Variants in DUOXA2 observed in about 807,000 individuals in gnomAD.
The protein encoded by DUOXA2 is dual oxidase maturation factor 2.
Under a neutral mutation model 27.6 loss-of-function variants are expected in DUOXA2, and 22 were observed. The ratio of observed to expected loss-of-function variants is 0.80; its 90% CI spans 0.57 to 1.14. The LOEUF is 1.14. Ranked by LOEUF, DUOXA2 falls within the 50% of genes most tolerant of loss-of-function variation. The pLI, the probability that DUOXA2 is intolerant of heterozygous loss-of-function variation, is 0.00. For missense variants in DUOXA2, 481 were observed against 419.9 expected (o/e 1.15, Z -1.27); for synonymous variants, 188 against 184.4 (o/e 1.02, Z -0.16).
chr15:45,114,500 G>A lies in DUOXA2; in HGVS notation c.-106G>A, dbSNP rs183292375. On this transcript the variant is annotated 5_prime_UTR_variant, in exon 1 of 6. Transcript: ENST00000323030. Reference sequence around the variant, plus strand: ...GACTTCACCAGCCCACTCGGTCCCAGCCTTGTACGCAAAGAGACGCCAAGG... The same window carrying A: ...GACTTCACCAGCCCACTCGGTCCCAACCTTGTACGCAAAGAGACGCCAAGG... 30 of 1,515,946 alleles carry A rather than the reference G, an allele frequency of 2.0e-5. No homozygotes were observed. Among genetic ancestry groups the A allele is most frequent in the Middle Eastern group, 4.2e-4 (2 of 4,732 alleles). The allele number at this position is 1,515,946 out of a possible 1,614,324, so 93.9% of individuals were successfully genotyped here.
In DUOXA2 at chr15:45,116,113, T is replaced by C. The variant is rs562360870; in HGVS notation, c.206-11T>C. ...CCTCATCCCACCCCCACCGTGTGCC[T>C]TTCCCTACAGCTGTGCACTTCAGTG... On this transcript the variant is annotated splice_polypyrimidine_tract_variant and intron_variant, in intron 2 of 5. Coordinates refer to ENST00000323030, the MANE Select transcript of DUOXA2 (RefSeq NM_207581.4). 1 of 1,349,642 alleles carries C rather than the reference T, an allele frequency of 7.4e-7. No homozygotes were observed. Among genetic ancestry groups the C allele is most frequent in the Non-Finnish European group, 1.0e-6 (1 of 962,530 alleles). The allele number at this position is 1,349,642 out of a possible 1,614,324, so 83.6% of individuals were successfully genotyped here.
At position 45,117,280 on chromosome 15, in the gene DUOXA2, C is replaced by A; in HGVS notation, c.744C>A (p.Ala248=). 2 of 1,601,762 alleles carry A rather than the reference C, an allele frequency of 1.2e-6. No individual in the cohort carries two copies. Among genetic ancestry groups the A allele is most frequent in the Non-Finnish European group, 1.7e-6 (2 of 1,172,834 alleles). Residue 248 remains alanine, a synonymous_variant, in exon 5 of 6, where the codon GCC becomes GCA. Transcript: ENST00000323030. The part of the protein sequence containing the change: ...GSSALTTQYG[A]AFWVTLATGV... ...CCGCGCTCACCACTCAGTACGGCGCCGCCTTCTGGGTCACGCTGGCAACCG... is the reference window on the plus strand; with the variant it reads ...CCGCGCTCACCACTCAGTACGGCGCAGCCTTCTGGGTCACGCTGGCAACCG...
Position 45,115,810 on chromosome 15 carries a change from G to A in DUOXA2, c.159G>A (p.Trp53Ter), listed in dbSNP as rs539073109. Residue 53 changes from tryptophan (W) to a stop codon, truncating the protein, a stop_gained, in exon 2 of 6, where the codon TGG (tryptophan) becomes TGA (stop). Transcript: ENST00000323030. LOFTEE classifies it high-confidence loss of function. ...PGIRGHSRWF[W>*]LVRVLLSLFI... ...GCCTATTCCTGCAGCGCTGGTTTTG[G>A]TTGGTGAGAGTTCTTCTCAGTCTGT... The A allele has an allele frequency of 6.2e-7, 1 of 1,614,126 alleles. No individual in the cohort carries two copies. The highest frequency in any genetic ancestry group is 1.7e-5 in the Admixed American group (1 of 60,028).
intron 1 of DUOXA2, 26 bp from the exon 2 acceptor site, chr15:45,115,773 C>T: frequency 1.2e-6 from 2 of 1,614,060 alleles, no homozygotes; most frequent in Non-Finnish European, 1.7e-6. Context: ...AGGGCTCAGG[C>T]CTGACCCGGG....
intron 2 of DUOXA2, 48 bp from the exon 3 acceptor site, chr15:45,116,076 C>G: frequency 6.2e-7 from 1 of 1,612,984 alleles, no homozygotes; most frequent in Non-Finnish European, 8.5e-7. Context: ...CTCTCTAATT[C>G]CATTTTCCCA....
Position 45,116,664 on chromosome 15 carries a change from G to A in DUOXA2, c.489G>A (p.Pro163=), listed in dbSNP as rs1253492875. The A allele has an allele frequency of 3.1e-6, 5 of 1,613,792 alleles. No homozygotes were observed. The South Asian group carries it at 4.4e-5, about 14-fold the overall frequency. Residue 163 remains proline (P), a synonymous_variant, in exon 4 of 6, where the codon CCG becomes CCA. Coordinates refer to ENST00000323030, the MANE Select transcript of DUOXA2 (RefSeq NM_207581.4). ...PVLYLAEKFT[P]SSPCGLYHQY... ...TCTACCTGGCGGAGAAGTTCACACC[G>A]AGTAGCCCTTGCGGCCTGTACCACC...
rs761852369 is a variant in DUOXA2 at position 45,117,907 on chromosome 15, T to G, written c.961T>G (p.Ter321GlyextTer71). The change falls in exon 6 of 6, where the codon TGA (stop) becomes GGA (glycine). Residue 321 changes from the stop codon to glycine, a stop_lost. Coordinates refer to ENST00000323030, the MANE Select transcript of DUOXA2 (RefSeq NM_207581.4). ...PDLKCITTNL[*>G] Reference sequence around the variant, plus strand: ...CTTAAAATGTATCACCACTAACCTGTGAGGGGGACCCAATCTGGACTCCTT... The same window carrying G: ...CTTAAAATGTATCACCACTAACCTGGGAGGGGGACCCAATCTGGACTCCTT... 5 of 1,613,284 alleles carry G rather than the reference T, an allele frequency of 3.1e-6. No homozygotes were observed. The highest frequency in any genetic ancestry group is 4.2e-6 in the Non-Finnish European group (5 of 1,180,016).
chr15:45,116,160 T>C lies in DUOXA2; in HGVS notation c.242T>C (p.Val81Ala), dbSNP rs374609439. Reference sequence around the variant, plus strand: ...AGTGCAGAATGGTTCGTGGGTACAGTGAACACCAACACATCCTACAAAGCC... The same window carrying C: ...AGTGCAGAATGGTTCGTGGGTACAGCGAACACCAACACATCCTACAAAGCC... The part of the protein sequence containing the change: ...HFSAEWFVGT[V>A]NTNTSYKAFS... Residue 81 changes from valine (V) to alanine (A), a missense_variant, in exon 3 of 6, where the codon GTG becomes GCG. By Grantham distance (64) the Val-to-Ala change is moderately conservative. Coordinates refer to ENST00000323030, the MANE Select transcript of DUOXA2 (RefSeq NM_207581.4). The C allele has an allele frequency of 3.1e-6, 5 of 1,613,810 alleles. No homozygotes were observed. Among genetic ancestry groups the C allele is most frequent in the Non-Finnish European group, 4.2e-6 (5 of 1,180,008 alleles).
rs751492604 is a variant in DUOXA2 at position 45,117,838 on chromosome 15, C to T, written c.892C>T (p.Leu298Phe). ...DCSQERGGSP[L>F]ILGDPLHKQA... Reference sequence around the variant, plus strand: ...CAGCCAGGAGAGAGGGGGCTCACCTCTTATCCTCGGCGACCCACTGCACAA... The same window carrying T: ...CAGCCAGGAGAGAGGGGGCTCACCTTTTATCCTCGGCGACCCACTGCACAA... Residue 298 changes from leucine to phenylalanine, a missense_variant, in exon 6 of 6, where the codon CTT (leucine) becomes TTT (phenylalanine). Transcript: ENST00000323030. 1.9e-6 allele frequency: 3 copies of T among 1,613,708 alleles called. No individual in the cohort carries two copies. The highest frequency in any genetic ancestry group is 3.3e-5 in the Admixed American group (2 of 60,008).
Position 45,117,256 on chromosome 15 carries a change from C to T in DUOXA2, c.720C>T (p.Ser240=), listed in dbSNP as rs753211033. ...VPLCPLRLGS[S]ALTTQYGAAF... ...TCTGCCCGCTCCGCCTAGGCTCCTC[C>T]GCGCTCACCACTCAGTACGGCGCCG... Residue 240 remains serine (S), a synonymous_variant, in exon 5 of 6, where the codon TCC becomes TCT. Transcript: ENST00000323030. 4 of 1,609,782 alleles carry T rather than the reference C, an allele frequency of 2.5e-6. 1 individual carries two copies. In the South Asian group the frequency reaches 4.4e-5, roughly 18 times the overall value.
chr15:45,117,548 AGGG>A (rs1435065768), intron 5 of DUOXA2, 165 bp from the exon 6 acceptor site: 2 of 1,575,420 alleles, frequency 1.3e-6, no homozygotes, highest in Admixed American at 3.7e-5. Flanking sequence ...AGGTAACACA[AGGG>A]GTAGGCTCCA....
At chr15:45,117,362 G>A in intron 5 of DUOXA2, 57 bp downstream of exon 5, 1 of 1,519,544 alleles carries the variant, frequency 6.6e-7, no homozygotes, top group Non-Finnish European at 8.9e-7. Context: ...ATTCACACCG[G>A]GTGTGCACTT....
At chr15:45,116,017 T>C (rs931801173) in intron 2 of DUOXA2, 107 bp from the exon 3 acceptor site, 26 of 1,598,754 alleles carry the variant, frequency 1.6e-5, no homozygotes, top group Admixed American at 3.3e-5. Flanking sequence ...TGCAACCACA[T>C]TGGACCTCTA....
In DUOXA2 at chr15:45,116,168, A is replaced by G. The variant is rs1475910057; in HGVS notation, c.250A>G (p.Asn84Asp). The G allele has an allele frequency of 2.0e-5, 32 of 1,613,664 alleles. No individual in the cohort carries two copies. Among genetic ancestry groups the G allele is most frequent in the Non-Finnish European group, 2.6e-5 (31 of 1,179,972 alleles). Residue 84 changes from asparagine to aspartate, a missense_variant, in exon 3 of 6, where the codon AAC (asparagine) becomes GAC (aspartate). Asn to Asp is a conservative substitution (Grantham distance 23). Coordinates refer to ENST00000323030, the MANE Select transcript of DUOXA2 (RefSeq NM_207581.4). ...ATGGTTCGTGGGTACAGTGAACACCAACACATCCTACAAAGCCTTCAGCGC... is the reference window on the plus strand; with the variant it reads ...ATGGTTCGTGGGTACAGTGAACACCGACACATCCTACAAAGCCTTCAGCGC... The part of the protein sequence containing the change: ...AEWFVGTVNT[N>D]TSYKAFSAAR...
chr15:45,117,266 A>C lies in DUOXA2; in HGVS notation c.730A>C (p.Thr244Pro), dbSNP rs1366729663. The stretch of plus-strand genomic sequence containing the variant: ...CCGCCTAGGCTCCTCCGCGCTCACC[A>C]CTCAGTACGGCGCCGCCTTCTGGGT... ...PLRLGSSALT[T>P]QYGAAFWVTL... The change falls in exon 5 of 6, where the codon ACT becomes CCT. Residue 244 changes from threonine (T) to proline (P), a missense_variant. Thr to Pro is a conservative substitution (Grantham distance 38). Coordinates refer to ENST00000323030, the MANE Select transcript of DUOXA2 (RefSeq NM_207581.4). The C allele has an allele frequency of 6.2e-7, 1 of 1,607,468 alleles. No individual in the cohort carries two copies. Among genetic ancestry groups the C allele is most frequent in the Non-Finnish European group, 8.5e-7 (1 of 1,177,142 alleles).
intron 4 of DUOXA2, 75 bp from the exon 5 acceptor site, chr15:45,117,016 A>T: frequency 6.6e-7 from 1 of 1,511,256 alleles, no homozygotes. Context: ...GTAGGGATAA[A>T]GAAGAGCGCA....
chr15:45,118,397 G>C lies in DUOXA2; in HGVS notation c.*488G>C. On this transcript the variant is annotated 3_prime_UTR_variant, in exon 6 of 6. Transcript: ENST00000323030. Reference sequence around the variant, plus strand: ...TAGCCCAGCTGAGTGGGGTGGGAAGGAATAGCGTTTTGGAGTTGATTCCCT... The same window carrying C: ...TAGCCCAGCTGAGTGGGGTGGGAAGCAATAGCGTTTTGGAGTTGATTCCCT... The C allele has an allele frequency of 9.4e-7, 1 of 1,064,666 alleles. No homozygotes were observed. Among genetic ancestry groups the C allele is most frequent in the Non-Finnish European group, 1.1e-6 (1 of 881,206 alleles). The allele number at this position is 1,064,666 out of a possible 1,614,324, so 66.0% of individuals were successfully genotyped here. A position where few individuals can be genotyped will look rare whatever the true frequency, so the allele number is the denominator to read the frequency against.
intron 4 of DUOXA2, 24 bp from the exon 5 acceptor site, chr15:45,117,067 G>T (rs1339881086): frequency 6.3e-7 from 1 of 1,595,742 alleles, no homozygotes; most frequent in Non-Finnish European, 8.5e-7. Context: ...CCCGCTCACA[G>T]CGGGTCCCCC....
intron 4 of DUOXA2, 76 bp downstream of exon 4, chr15:45,116,805 C>A: frequency 1.3e-6 from 2 of 1,530,640 alleles, no homozygotes; most frequent in Non-Finnish European, 1.8e-6. Flanking sequence ...AGGATGCAGG[C>A]CTCGGAGGCG....
Sources: gnomAD v4.1 joint callset for allele counts on GRCh38, gnomAD v4.1.1 for gene constraint, MANE v1.5 for transcripts, NCBI Gene and HGNC (gene_info 2026-07-23, HGNC 2026-07-21) for gene names.